Variants in FRMPD1 observed in about 807,000 individuals in gnomAD.
FRMPD1 encodes FERM and PDZ domain-containing protein 1.
In FRMPD1, 76 loss-of-function variants were observed where a neutral mutation model predicts 117.8. That is an observed-to-expected ratio of 0.65 (90% confidence interval 0.54 to 0.78). The LOEUF (loss-of-function observed/expected upper bound fraction) is 0.78. Among genes scored for constraint, FRMPD1 ranks in the 30% least tolerant of loss-of-function variants. The pLI is 0.00. For missense variants in FRMPD1, 1,786 were observed against 1,964.5 expected (o/e 0.91, Z 1.72); for synonymous variants, 783 against 770.4 (o/e 1.02, Z -0.27).
chr9:37,687,179 CT>C (rs1821978929), intron 1 of FRMPD1, among the ~76,000 whole-genome samples: 1 of 152,178 alleles, frequency 6.6e-6, no homozygotes, highest in South Asian at 2.1e-4. Context: ...ATGCTGGGAT[CT>C]ACCAGGAACA....
intron 2 of FRMPD1, chr9:37,693,087 CTT>C (rs1422347865): frequency 3.3e-5 from 8 of 240,432 alleles, no homozygotes; most frequent in Non-Finnish European, 5.7e-5. Flanking sequence ...TACATACACT[CTT>C]TTGATCTCTC....
At chr9:37,727,327 G>T (rs191984781) in intron 7 of FRMPD1, among the ~76,000 whole-genome samples, 1 of 152,246 alleles carries the variant, frequency 6.6e-6, no homozygotes, top group East Asian at 1.9e-4. Flanking sequence ...AGGTTTTGCA[G>T]GCCACAGGGT....
rs113684935 is a variant in FRMPD1 at position 37,724,343 on chromosome 9, T to C, written c.612+23T>C. ...AAGGTATTAAGAATAAACTTGAACTTCTTTTCCCAAGAAGAATGTTCTGGC... is the reference window on the plus strand; with the variant it reads ...AAGGTATTAAGAATAAACTTGAACTCCTTTTCCCAAGAAGAATGTTCTGGC... On this transcript the variant is annotated intron_variant, in intron 7 of 15. Transcript: ENST00000377765. 51 of 1,275,246 alleles carry C rather than the reference T, an allele frequency of 4.0e-5. 1 individual carries two copies. The African/African-American group carries it at 5.4e-4, about 13-fold the overall frequency. 79.0% of individuals were successfully genotyped at this position (1,275,246 alleles called of 1,614,324 possible).
rs190638303 is a variant in FRMPD1 at position 37,725,647 on chromosome 9, G to A, written c.612+1327G>A. ...CTCCAAGCCCAGAGGAGGAAGCAAT[G>A]GAGGAATAGACTTTAAGTGTTTACT... On this transcript the variant is annotated intron_variant, in intron 7 of 15. Coordinates refer to ENST00000377765, the MANE Select transcript of FRMPD1 (RefSeq NM_014907.3). Among the ~76,000 whole-genome samples the A allele has an allele frequency of 2.0e-5, 3 of 152,328 alleles. No homozygotes were observed. In the East Asian group the frequency reaches 5.8e-4, roughly 29 times the overall value.
chr9:37,619,513 T>C, the FRMPD1 span, among the ~76,000 whole-genome samples: 3 of 152,108 alleles, frequency 2.0e-5, no homozygotes, highest in African/African-American at 7.2e-5. Context: ...ATCCCAGCAC[T>C]TTGGGAGGCC....
chr9:37,612,873 C>T, the FRMPD1 span, among the ~76,000 whole-genome samples: 15,631 of 152,108 alleles, frequency 0.1, 927 homozygotes, highest in Middle Eastern at 0.15. Context: ...GGTCACTGTT[C>T]CCAATATCAG....
At chr9:37,641,164 A>G in the FRMPD1 span, among the ~76,000 whole-genome samples, 1 of 152,230 alleles carries the variant, frequency 6.6e-6, no homozygotes, top group Non-Finnish European at 1.5e-5. Flanking sequence ...CTGGGATTAC[A>G]GACCATGTTA....
the FRMPD1 span, among the ~76,000 whole-genome samples, chr9:37,606,465 C>A: frequency 6.6e-6 from 1 of 152,306 alleles, no homozygotes; most frequent in South Asian, 2.1e-4. Flanking sequence ...TATGGTCACA[C>A]TGCCCATGGA....
chr9:37,698,321 C>G (rs989824869), intron 2 of FRMPD1, among the ~76,000 whole-genome samples: 1 of 151,528 alleles, frequency 6.6e-6, no homozygotes, highest in African/African-American at 2.4e-5. Context: ...ATTTTTTTTC[C>G]AAATTAGTAA....
the FRMPD1 span, among the ~76,000 whole-genome samples, chr9:37,605,815 AG>A: frequency 1.3e-5 from 2 of 152,044 alleles, no homozygotes; most frequent in Non-Finnish European, 2.9e-5. Context: ...CTTGGGCTGA[AG>A]GGATCCTCCC....
upstream of FRMPD1, among the ~76,000 whole-genome samples, chr9:37,648,327 T>C (rs998233035): frequency 3.9e-5 from 6 of 151,974 alleles, no homozygotes; most frequent in South Asian, 8.3e-4. Context: ...GAACATAAGG[T>C]GTTTGGTGTG....
chr9:37,673,107 C>T (rs1821411017), intron 1 of FRMPD1, among the ~76,000 whole-genome samples: 1 of 152,194 alleles, frequency 6.6e-6, no homozygotes, highest in Admixed American at 6.5e-5. Context: ...TCCAAAGTCT[C>T]ATCTGAGACA....
intron 1 of FRMPD1, chr9:37,669,763 G>C (rs1821284155): frequency 6.6e-6 from 1 of 152,150 alleles, no homozygotes; most frequent in South Asian, 2.1e-4. Flanking sequence ...GGAGGCCGAG[G>C]CGGGTGGATC....
chr9:37,629,016 T>C, the FRMPD1 span, among the ~76,000 whole-genome samples: 1 of 152,200 alleles, frequency 6.6e-6, no homozygotes, highest in South Asian at 2.1e-4. Context: ...CTGGCCAATA[T>C]GGTGAAACCC....
chr9:37,646,254 G>A (rs560395188), upstream of FRMPD1, among the ~76,000 whole-genome samples: 84 of 152,256 alleles, frequency 5.5e-4, no homozygotes, highest in South Asian at 4.8e-3. Context: ...TAACCAAACC[G>A]TTTCATCCCC....
At position 37,671,888 on chromosome 9, in the gene FRMPD1, C is replaced by T. The variant is rs371671962; in HGVS notation, c.-4-20750C>T. On this transcript the variant is annotated intron_variant, in intron 1 of 15. Transcript: ENST00000377765. ...GGCTGAGGAAGGAGAATCGCTTGAA[C>T]CTGGGAGGCAGAGGTTGCAGTGATC... 7.2e-5 allele frequency among the ~76,000 whole-genome samples: 11 copies of T among 152,304 alleles called. 1 individual carries two copies. The East Asian group carries it at 1.2e-3, about 16-fold the overall frequency.
chr9:37,707,127 G>A (rs1228044596), intron 2 of FRMPD1, among the ~76,000 whole-genome samples: 1 of 152,062 alleles, frequency 6.6e-6, no homozygotes, highest in Non-Finnish European at 1.5e-5. Context: ...CCTATTCCCT[G>A]CCCTACAAAG....
intron 6 of FRMPD1, among the ~76,000 whole-genome samples, chr9:37,723,556 G>A (rs1381597558): frequency 1.3e-5 from 2 of 152,202 alleles, no homozygotes; most frequent in Admixed American, 6.5e-5. Flanking sequence ...GGGCAGGAAA[G>A]CTGTGACTGG....
the FRMPD1 span, among the ~76,000 whole-genome samples, chr9:37,606,724 A>G: frequency 2.6e-5 from 4 of 152,244 alleles, no homozygotes; most frequent in Non-Finnish European, 5.9e-5. Flanking sequence ...ATAGAAATTT[A>G]TTAAGTTCTT....
Sources: allele counts gnomAD v4.1 joint callset (sites outside exome capture counted in the v4.1 genomes callset), GRCh38; gene constraint gnomAD v4.1.1; transcripts MANE v1.5; gene names NCBI Gene and HGNC (gene_info 2026-07-23, HGNC 2026-07-21).